The following PITPNM2 variants were observed in gnomAD, a reference collection of about 807,000 sequenced individuals.
PITPNM2 encodes phosphatidylinositol transfer protein membrane associated 2.
PITPNM2 carries 35 observed loss-of-function variants against 132.2 expected under a neutral mutation model. That is an observed-to-expected ratio of 0.26 (90% CI 0.20 to 0.35). The LOEUF is 0.35. PITPNM2 is among the 10% of genes least tolerant of loss of function. The pLI is 1.00. For synonymous variants in PITPNM2, 738 were observed against 799.2 expected, an observed-to-expected ratio of 0.92 and a Z score of 1.29; for missense variants, 1,332 against 1,912.0, an observed-to-expected ratio of 0.70 and a Z score of 5.66.
intron 1 of PITPNM2, among the ~76,000 whole-genome samples, chr12:123,142,729 C>A (rs1408722212): frequency 1.3e-5 from 2 of 152,200 alleles, no homozygotes; most frequent in African/African-American, 4.8e-5. Context: ...AGTGCCTCCA[C>A]GTCTGGCCAC....
Position 123,013,811 on chromosome 12 carries a change from G to A in PITPNM2, c.293+17C>T, listed in dbSNP as rs749955140. On this transcript the variant is annotated intron_variant, in intron 4 of 25. Transcript: ENST00000320201. Reference sequence around the variant, plus strand: ...CATGTGGAGGTGGGAGGCACATGGAGGCCAAAGCAGGCGCACCTGGTTCGG... The same window carrying A: ...CATGTGGAGGTGGGAGGCACATGGAAGCCAAAGCAGGCGCACCTGGTTCGG... The A allele has an allele frequency of 1.2e-6, 2 of 1,611,604 alleles. No individual in the cohort carries two copies. The highest frequency in any genetic ancestry group is 1.7e-6 in the Non-Finnish European group (2 of 1,178,668).
chr12:123,005,389 G>A lies in PITPNM2; in HGVS notation c.803C>T (p.Thr268Ile), dbSNP rs372120504. 2 of 1,614,200 alleles carry A rather than the reference G, an allele frequency of 1.2e-6. No individual in the cohort carries two copies. Among genetic ancestry groups the A allele is most frequent in the Non-Finnish European group, 1.7e-6 (2 of 1,180,030 alleles). ...GACGGCTTCGTGCTTGACGAGCTCA[G>A]TGGCCTCCTCACCATCCTCATTGAA... ...AQFNEDGEEA[T>I]ELVKHEAVSD... Residue 268 changes from threonine (T) to isoleucine (I), a missense_variant, in exon 7 of 26, where the codon ACT (threonine) becomes ATT (isoleucine). Around this residue, in one of 6 missense-constraint regions of PITPNM2, gnomAD observed 710 missense variants for 911.5 expected, o/e 0.78. Transcript: ENST00000320201. The surrounding 1 kb of genome is among the most constrained non-coding windows in gnomAD (Gnocchi z 6.2).
chr12:123,049,439 G>A lies in PITPNM2; in HGVS notation c.-95-14754C>T, dbSNP rs536019639. Among the ~76,000 whole-genome samples, 12 of 152,134 alleles carry A rather than the reference G, an allele frequency of 7.9e-5. No individual in the cohort carries two copies. The South Asian group carries it at 2.1e-3, about 26-fold the overall frequency. ...GCTCGTGAGCCATAGCTCCTCCATC[G>A]CCACTCTCCAGCCACATGGCTGCTT... On this transcript the variant is annotated intron_variant, in intron 2 of 25. Coordinates refer to ENST00000320201, the MANE Select transcript of PITPNM2 (RefSeq NM_020845.3).
chr12:123,115,410 T>C (rs1593024200), intron 1 of PITPNM2, among the ~76,000 whole-genome samples: 1 of 152,110 alleles, frequency 6.6e-6, no homozygotes, highest in African/African-American at 2.4e-5. Context: ...TTCTCTCTGC[T>C]GGCAAGTGGC....
chr12:123,099,781 C>T lies in PITPNM2; in HGVS notation c.-96+10604G>A, dbSNP rs2042510561. On this transcript the variant is annotated intron_variant, in intron 2 of 25. Coordinates refer to ENST00000320201, the MANE Select transcript of PITPNM2 (RefSeq NM_020845.3). The surrounding 1 kb of genome is among the most constrained non-coding windows in gnomAD (Gnocchi z 4.2). ...CAGATCCCACAGCTGGCGCACTATC[C>T]TTAGGAAGCCCCTCCAGCTGAGGAG... Among the ~76,000 whole-genome samples the T allele has an allele frequency of 1.3e-5, 2 of 152,162 alleles. No individual in the cohort carries two copies. Among genetic ancestry groups the T allele is most frequent in the African/African-American group, 4.8e-5 (2 of 41,424 alleles).
intron 2 of PITPNM2, among the ~76,000 whole-genome samples, chr12:123,067,866 C>A (rs1281050211): frequency 2.6e-5 from 4 of 152,182 alleles, no homozygotes; most frequent in African/African-American, 7.2e-5. Context: ...GGGCACCCTG[C>A]AGGAGAACAG....
At position 122,989,795 on chromosome 12, in the gene PITPNM2, A is replaced by C; in HGVS notation, c.2723T>G (p.Ile908Ser). 7.3e-7 allele frequency: 1 copy of C among 1,364,904 alleles called. No individual in the cohort carries two copies. Among genetic ancestry groups the C allele is most frequent in the Non-Finnish European group, 9.5e-7 (1 of 1,051,248 alleles). The allele number at this position is 1,364,904 out of a possible 1,614,324, so 84.5% of individuals were successfully genotyped here. The change falls in exon 18 of 26, where the codon ATT becomes AGT. Residue 908 changes from isoleucine to serine, a missense_variant. Ile to Ser is a moderately radical substitution (Grantham distance 142, BLOSUM62 -2). Transcript: ENST00000320201. The part of the protein sequence containing the change: ...ERAPGLPELD[I>S]GEVAAKWWGQ... ...AGTGTGTGGGGTGGTACCTTCTCCA[A>C]TGTCCAGCTCAGGGAGGCCAGGGGC...
chr12:123,118,340 C>A (rs937951541), intron 1 of PITPNM2, among the ~76,000 whole-genome samples: 1 of 152,178 alleles, frequency 6.6e-6, no homozygotes, highest in African/African-American at 2.4e-5. Flanking sequence ...ATACTGCCTG[C>A]TTCCAAAAAC....
At chr12:123,017,252 A>G (rs2039463307) in intron 3 of PITPNM2, among the ~76,000 whole-genome samples, 1 of 151,386 alleles carries the variant, frequency 6.6e-6, no homozygotes, top group African/African-American at 2.4e-5. Context: ...GCATGCCTGT[A>G]ATCCCAGCTA....
In PITPNM2 at chr12:123,026,198, C is replaced by T. The variant is rs536166254; in HGVS notation, c.78+8315G>A. On this transcript the variant is annotated intron_variant, in intron 3 of 25. Transcript: ENST00000320201. ...CAAACTCTAAGTGGAGACAGGACTA[C>T]CTATCTGTCCATGCCCTGGCGTAAT... 1.1e-4 allele frequency among the ~76,000 whole-genome samples: 17 copies of T among 152,350 alleles called. No individual in the cohort carries two copies. In the South Asian group the frequency reaches 3.1e-3, roughly 28 times the overall value.
At chr12:123,026,167 A>G (rs1345306767) in intron 3 of PITPNM2, among the ~76,000 whole-genome samples, 1 of 152,236 alleles carries the variant, frequency 6.6e-6, no homozygotes, top group Non-Finnish European at 1.5e-5. Flanking sequence ...CTTTGGTGTC[A>G]ATTTCCAAAC....
Position 123,077,077 on chromosome 12 carries a change from G to C in PITPNM2, c.-96+33308C>G, listed in dbSNP as rs915801055. On this transcript the variant is annotated intron_variant, in intron 2 of 25. Coordinates refer to ENST00000320201, the MANE Select transcript of PITPNM2 (RefSeq NM_020845.3). This position sits in a 1 kb window ranked among gnomAD's most constrained non-coding sequence, Gnocchi z 4.8. ...ATTCTGAATGCATCTACTGGGGATG[G>C]GGAAGAAATGATGCAGAATGTTGAC... is the stretch of plus-strand genomic sequence containing the variant. Among the ~76,000 whole-genome samples the C allele has an allele frequency of 6.6e-6, 1 of 152,136 alleles. No homozygotes were observed. The highest frequency in any genetic ancestry group is 2.4e-5 in the African/African-American group (1 of 41,422).
intron 2 of PITPNM2, among the ~76,000 whole-genome samples, chr12:123,046,899 T>C (rs1208507225): frequency 6.6e-6 from 1 of 152,252 alleles, no homozygotes; most frequent in Non-Finnish European, 1.5e-5. Context: ...GAGTCAAGTG[T>C]ATCTTACTGT....
At chr12:123,018,244 AAATAATTT>A (rs946777614) in intron 3 of PITPNM2, among the ~76,000 whole-genome samples, 3 of 150,132 alleles carry the variant, frequency 2.0e-5, no homozygotes, top group South Asian at 2.1e-4. Flanking sequence ...TAATTTTTTA[AAATAATTT>A]AATAATTTAA....
chr12:123,074,620 C>T (rs1312235218), intron 2 of PITPNM2, among the ~76,000 whole-genome samples: 1 of 151,888 alleles, frequency 6.6e-6, no homozygotes, highest in East Asian at 1.9e-4. Context: ...CCTACACATA[C>T]ACCCACCCAC....
chr12:123,054,454 C>A (rs1467366368), intron 2 of PITPNM2, among the ~76,000 whole-genome samples: 1 of 152,184 alleles, frequency 6.6e-6, no homozygotes, highest in Non-Finnish European at 1.5e-5. Context: ...TTACACTTCC[C>A]AGGGATTTTC....
chr12:123,074,693 T>C (rs2041725366), intron 2 of PITPNM2, among the ~76,000 whole-genome samples: 1 of 152,060 alleles, frequency 6.6e-6, no homozygotes, highest in Non-Finnish European at 1.5e-5. Flanking sequence ...AGCTTATCAG[T>C]CTCTGATGAA....
intron 1 of PITPNM2, among the ~76,000 whole-genome samples, chr12:123,147,456 C>A (rs1415032975): frequency 6.6e-6 from 1 of 152,102 alleles, no homozygotes; most frequent in East Asian, 1.9e-4. Flanking sequence ...ACCACCACGC[C>A]CAGCTAGCAA....
intron 2 of PITPNM2, among the ~76,000 whole-genome samples, chr12:123,057,932 A>C (rs544447708): frequency 6.6e-6 from 1 of 152,274 alleles, no homozygotes; most frequent in Non-Finnish European, 1.5e-5. Context: ...TGCAGATCCA[A>C]GGGATCCAGA....
Sources: allele counts gnomAD v4.1 joint callset (sites outside exome capture counted in the v4.1 genomes callset), GRCh38; gene constraint gnomAD v4.1.1; regional missense constraint gnomAD v4.1.1; non-coding constraint Gnocchi (gnomAD v3.1); transcripts MANE v1.5; gene names NCBI Gene and HGNC (gene_info 2026-07-23, HGNC 2026-07-21).